RPN2: variants seen among roughly 807,000 people sequenced by gnomAD.
RPN2 encodes dolichyl-diphosphooligosaccharide--protein glycosyltransferase subunit 2.
Under a neutral mutation model 71.4 loss-of-function variants are expected in RPN2, and 29 were observed. The observed-to-expected ratio is 0.41, with a 90% CI of 0.30 to 0.55. The LOEUF (loss-of-function observed/expected upper bound fraction) is 0.55. Among genes scored for constraint, RPN2 ranks in the 20% least tolerant of loss-of-function variants. The pLI, the probability that RPN2 is intolerant of heterozygous loss-of-function variation, is 0.35. For synonymous variants in RPN2, 308 were observed against 305.0 expected, an observed-to-expected ratio of 1.01 and a Z score of -0.10; for missense variants, 726 against 774.1, an observed-to-expected ratio of 0.94 and a Z score of 0.74.
At chr20:37,205,468 G>A (rs2067492048) in intron 6 of RPN2, among the ~76,000 whole-genome samples, 1 of 152,010 alleles carries the variant, frequency 6.6e-6, no homozygotes, top group Non-Finnish European at 1.5e-5. Context: ...TTTTTGAGTA[G>A]GACCGTCTTT....
At position 37,199,243 on chromosome 20, in the gene RPN2, G is replaced by T; in HGVS notation, c.479+18G>T. The T allele has an allele frequency of 6.2e-7, 1 of 1,612,244 alleles. No individual in the cohort carries two copies. The highest frequency in any genetic ancestry group is 2.2e-5 in the East Asian group (1 of 44,880). Reference sequence around the variant, plus strand: ...GTGCTGGCGTGAGTTGTCATCTCGAGCATTTCTCAGGCTTCATTTGTCTCG... The same window carrying T: ...GTGCTGGCGTGAGTTGTCATCTCGATCATTTCTCAGGCTTCATTTGTCTCG... On this transcript the variant is annotated intron_variant, in intron 4 of 16. Coordinates refer to ENST00000237530, the MANE Select transcript of RPN2 (RefSeq NM_002951.5).
chr20:37,228,073 AT>A, intron 11 of RPN2, among the ~76,000 whole-genome samples: 1 of 152,228 alleles, frequency 6.6e-6, no homozygotes, highest in East Asian at 1.9e-4. Context: ...GCTCTGCTTG[AT>A]TAGAACTCTG....
At chr20:37,186,268 A>G (rs2067007549) in intron 2 of RPN2, among the ~76,000 whole-genome samples, 1 of 152,292 alleles carries the variant, frequency 6.6e-6, no homozygotes, top group African/African-American at 2.4e-5. Flanking sequence ...AACAGTTCCT[A>G]AATTTGTGTT....
chr20:37,208,458 G>A (rs2146601795), intron 7 of RPN2, among the ~76,000 whole-genome samples: 1 of 152,214 alleles, frequency 6.6e-6, no homozygotes, highest in South Asian at 2.1e-4. Context: ...CGCGCAGGCT[G>A]GAGTGCCGTG....
chr20:37,198,432 C>T lies in RPN2; in HGVS notation c.243C>T (p.Pro81=), dbSNP rs2067303439. 1 of 1,614,232 alleles carries T rather than the reference C, an allele frequency of 6.2e-7. No homozygotes were observed. The highest frequency in any genetic ancestry group is 8.5e-7 in the Non-Finnish European group (1 of 1,180,038). Residue 81 remains proline (P), a synonymous_variant, in exon 3 of 17, where the codon CCC becomes CCT. Coordinates refer to ENST00000237530, the MANE Select transcript of RPN2 (RefSeq NM_002951.5). ...ACTYIRSNLD[P]SNVDSLFYAA... ...CCTACATCAGATCTAACCTTGATCC[C>T]AGCAATGTGGATTCCCTCTTCTACG...
Position 37,199,173 on chromosome 20 carries a change from G to C in RPN2, c.427G>C (p.Glu143Gln), listed in dbSNP as rs1457328256. ...CTTTGGCCTTCCCTTGGCATCCCAA[G>C]AAGCACTCAGTGCCCTTACTGCTCG... Reference protein sequence around the residue: ...SGFGLPLASQEALSALTARLS... With the variant: ...SGFGLPLASQQALSALTARLS... The change falls in exon 4 of 17, where the codon GAA becomes CAA. Residue 143 changes from glutamate to glutamine, a missense_variant. Glu to Gln is a conservative substitution (Grantham distance 29). Transcript: ENST00000237530. 6.2e-7 allele frequency: 1 copy of C among 1,614,182 alleles called. No homozygotes were observed.
At chr20:37,214,176 C>T (rs1396849254) in intron 9 of RPN2, among the ~76,000 whole-genome samples, 1 of 152,138 alleles carries the variant, frequency 6.6e-6, no homozygotes, top group East Asian at 1.9e-4. Flanking sequence ...TTCCACTGAG[C>T]CTTAAACTCT....
intron 11 of RPN2, among the ~76,000 whole-genome samples, 198 bp downstream of exon 11, chr20:37,226,000 C>T (rs185551817): frequency 3.5e-4 from 53 of 152,290 alleles, no homozygotes; most frequent in African/African-American, 1.2e-3. Context: ...CTGGGATACA[C>T]CCTTCTTTCT....
intron 16 of RPN2, among the ~76,000 whole-genome samples, chr20:37,237,790 G>T (rs971086940): frequency 6.6e-6 from 1 of 152,188 alleles, no homozygotes; most frequent in Admixed American, 6.5e-5. Flanking sequence ...GGACTCAGTT[G>T]CTTTTGCAAA....
chr20:37,189,082 C>G (rs1174556180), intron 2 of RPN2, among the ~76,000 whole-genome samples: 1 of 152,132 alleles, frequency 6.6e-6, no homozygotes, highest in African/African-American at 2.4e-5. Flanking sequence ...TACAGGCATT[C>G]TCCACCACGC....
chr20:37,222,988 T>A (rs1306240494), intron 9 of RPN2, among the ~76,000 whole-genome samples: 1 of 152,206 alleles, frequency 6.6e-6, no homozygotes, highest in Admixed American at 6.5e-5. Context: ...CTTAAAACAA[T>A]GAGGGTTTAT....
intron 15 of RPN2, 67 bp downstream of exon 15, chr20:37,234,162 C>T: frequency 6.7e-7 from 1 of 1,495,494 alleles, no homozygotes; most frequent in Non-Finnish European, 9.2e-7. Context: ...CGCAAAAGCC[C>T]TGTTAAGTAG....
chr20:37,231,843 A>G (rs969635261), intron 13 of RPN2, among the ~76,000 whole-genome samples: 3 of 152,190 alleles, frequency 2.0e-5, no homozygotes, highest in Non-Finnish European at 4.4e-5. Flanking sequence ...TTAAAAAGGT[A>G]TAGTGTTACC....
intron 16 of RPN2, among the ~76,000 whole-genome samples, chr20:37,238,248 T>C (rs1055756994): frequency 1.3e-5 from 2 of 152,204 alleles, no homozygotes; most frequent in Non-Finnish European, 2.9e-5. Flanking sequence ...CCCACTCTTC[T>C]GTGGCCCTCT....
intron 9 of RPN2, among the ~76,000 whole-genome samples, chr20:37,219,876 G>A (rs2067908416): frequency 6.6e-6 from 1 of 152,176 alleles, no homozygotes; most frequent in Non-Finnish European, 1.5e-5. Context: ...ATAAATGTAA[G>A]GGTTGATTTC....
chr20:37,198,591 G>T lies in RPN2; in HGVS notation c.303+99G>T. The T allele has an allele frequency of 1.9e-6, 3 of 1,552,578 alleles. No homozygotes were observed. The South Asian group carries it at 3.6e-5, about 19-fold the overall frequency. On this transcript the variant is annotated intron_variant, in intron 3 of 16. Coordinates refer to ENST00000237530, the MANE Select transcript of RPN2 (RefSeq NM_002951.5). ...AAACATCCTTTTTTTAATTATGAGA[G>T]TCCATTATTGTGAGTGGGAATTCCA... is the stretch of plus-strand genomic sequence containing the variant.
chr20:37,200,456 G>A (rs1043054773), intron 4 of RPN2: 1 of 532,930 alleles, frequency 1.9e-6, no homozygotes, highest in South Asian at 1.4e-5. Context: ...GGAGGGTGTG[G>A]AGCACCGTTC....
At chr20:37,185,263 G>A (rs1186111703) in intron 2 of RPN2, among the ~76,000 whole-genome samples, 1 of 150,440 alleles carries the variant, frequency 6.6e-6, no homozygotes, top group African/African-American at 2.4e-5. Context: ...AGCTTCCCTA[G>A]TAGCTGGGAC....
intron 4 of RPN2, among the ~76,000 whole-genome samples, chr20:37,203,047 C>G (rs985217326): frequency 6.6e-6 from 1 of 152,068 alleles, no homozygotes; most frequent in African/African-American, 2.4e-5. Context: ...ACCTCAGCCT[C>G]CTGAGTACCT....
Sources: gnomAD v4.1 joint callset for allele counts (sites outside exome capture counted in the v4.1 genomes callset) on GRCh38, gnomAD v4.1.1 for gene constraint, MANE v1.5 for transcripts, NCBI Gene and HGNC (gene_info 2026-07-23, HGNC 2026-07-21) for gene names.